Variants in WBP1L observed in about 807,000 individuals in gnomAD.
The protein encoded by WBP1L is WW domain binding protein 1 like, also known as WW domain binding protein 1-like.
Under a neutral mutation model 33.7 loss-of-function variants are expected in WBP1L, and 17 were observed. That is an observed-to-expected ratio of 0.50 (90% CI 0.34 to 0.76). The LOEUF (loss-of-function observed/expected upper bound fraction) is 0.76, where lower values mean the gene tolerates loss of function less well. Among genes scored for constraint, WBP1L ranks in the 30% least tolerant of loss-of-function variants. The probability of loss-of-function intolerance (pLI) is 0.01; values close to 1 mark genes in which losing one functional copy is unlikely to be tolerated. For missense variants in WBP1L, 389 were observed against 469.4 expected (o/e 0.83, Z 1.58); for synonymous variants, 173 against 190.8 (o/e 0.91, Z 0.77).
intron 1 of WBP1L, among the ~76,000 whole-genome samples, chr10:102,796,590 G>A (rs1433017594): frequency 6.6e-6 from 1 of 152,192 alleles, no homozygotes; most frequent in Non-Finnish European, 1.5e-5. Flanking sequence ...GTGCACTGTG[G>A]GCAGGGCCAG....
chr10:102,744,649 C>T (rs1321930477), intron 1 of WBP1L, among the ~76,000 whole-genome samples: 1 of 152,030 alleles, frequency 6.6e-6, no homozygotes, highest in Non-Finnish European at 1.5e-5. Flanking sequence ...GAGACTTGGC[C>T]CCATTTTAAA....
At chr10:102,761,149 C>CT (rs1224781440) in intron 1 of WBP1L, among the ~76,000 whole-genome samples, 3 of 91,716 alleles carry the variant, frequency 3.3e-5, no homozygotes, top group South Asian at 4.1e-4. Flanking sequence ...CTTTTCTTTT[C>CT]TTTTTTTTGA....
At chr10:102,809,126 G>A (rs375389098) in intron 2 of WBP1L, among the ~76,000 whole-genome samples, 15 of 152,318 alleles carry the variant, frequency 9.8e-5, no homozygotes, top group African/African-American at 3.4e-4. Flanking sequence ...CACCCAGGCT[G>A]GAGTGCAATG....
intron 1 of WBP1L, among the ~76,000 whole-genome samples, chr10:102,780,139 A>C (rs1843317472): frequency 6.6e-6 from 1 of 152,124 alleles, no homozygotes; most frequent in African/African-American, 2.4e-5. Context: ...GTGTCTGTAA[A>C]GGGCAGATAA....
At chr10:102,768,889 C>A (rs113604501) in intron 1 of WBP1L, among the ~76,000 whole-genome samples, 6 of 151,686 alleles carry the variant, frequency 4.0e-5, no homozygotes, top group African/African-American at 1.5e-4. Context: ...GGGGTTTCAC[C>A]GTGTTAGCCA....
At position 102,812,665 on chromosome 10, in the gene WBP1L, A is replaced by C; in HGVS notation, c.426A>C (p.Pro142=). 3.7e-6 allele frequency: 6 copies of C among 1,612,960 alleles called. No individual in the cohort carries two copies. Among genetic ancestry groups the C allele is most frequent in the Non-Finnish European group, 5.1e-6 (6 of 1,179,502 alleles). The part of the protein sequence containing the change: ...VVNRPPTPPP[P]YSAFQLQQQQ... ...ACCGACCTCCAACTCCTCCCCCACC[A>C]TACAGTGCCTTCCAGCTACAGCAGC... Residue 142 remains proline (P), a synonymous_variant, in exon 4 of 4, where the codon CCA becomes CCC. Transcript: ENST00000448841.
intron 3 of WBP1L, among the ~76,000 whole-genome samples, chr10:102,810,751 G>A (rs1055010214): frequency 8.6e-5 from 13 of 151,558 alleles, no homozygotes; most frequent in African/African-American, 3.2e-4. Context: ...GTTTTTAGTA[G>A]AGACAGGGTT....
chr10:102,749,876 C>T (rs1842908519), intron 1 of WBP1L, among the ~76,000 whole-genome samples: 1 of 151,402 alleles, frequency 6.6e-6, no homozygotes, highest in Admixed American at 6.6e-5. Context: ...CTCCCGGGTT[C>T]AAGGGATTCT....
At chr10:102,780,893 T>A (rs2134045564) in intron 1 of WBP1L, among the ~76,000 whole-genome samples, 1 of 152,282 alleles carries the variant, frequency 6.6e-6, no homozygotes, top group East Asian at 1.9e-4. Context: ...TAATTTTACA[T>A]CTTGCACCTT....
intron 1 of WBP1L, among the ~76,000 whole-genome samples, chr10:102,777,561 C>CTT (rs35713577): frequency 0.025 from 1,371 of 55,588 alleles, 362 homozygotes; most frequent in African/African-American, 0.072. Context: ...AAAGGCTGTC[C>CTT]TTTTTTTTTT....
intron 1 of WBP1L, among the ~76,000 whole-genome samples, chr10:102,765,105 G>T (rs994355112): frequency 6.6e-6 from 1 of 152,170 alleles, no homozygotes; most frequent in Non-Finnish European, 1.5e-5. Context: ...AGGCTTTGCC[G>T]CATCAGACTT....
chr10:102,795,263 A>G (rs1843557970), intron 1 of WBP1L, among the ~76,000 whole-genome samples: 4 of 152,240 alleles, frequency 2.6e-5, no homozygotes, highest in South Asian at 2.1e-4. Flanking sequence ...AGGCTAAGCT[A>G]TGCTGTTCAG....
chr10:102,753,819 G>C (rs939134561), intron 1 of WBP1L, among the ~76,000 whole-genome samples: 1 of 152,146 alleles, frequency 6.6e-6, no homozygotes, highest in Non-Finnish European at 1.5e-5. Flanking sequence ...GGCTTGGAAG[G>C]GTGGGTCCTA....
intron 1 of WBP1L, among the ~76,000 whole-genome samples, chr10:102,789,598 C>T (rs979348854): frequency 2.0e-5 from 3 of 152,110 alleles, no homozygotes; most frequent in African/African-American, 7.2e-5. Flanking sequence ...CCTCATGGAG[C>T]TTATTACTGC....
intron 1 of WBP1L, among the ~76,000 whole-genome samples, chr10:102,761,686 GA>G (rs1187972975): frequency 6.6e-6 from 1 of 151,900 alleles, no homozygotes; most frequent in Non-Finnish European, 1.5e-5. Flanking sequence ...TCAATTTCCT[GA>G]TCTCGTGATA....
chr10:102,746,282 G>A, intron 1 of WBP1L: 1 of 457,570 alleles, frequency 2.2e-6, no homozygotes, highest in Non-Finnish European at 2.9e-6. Flanking sequence ...TAATTTTGGG[G>A]ACAGGTGTCT....
chr10:102,760,450 C>G (rs1843024294), intron 1 of WBP1L, among the ~76,000 whole-genome samples: 1 of 148,242 alleles, frequency 6.7e-6, no homozygotes, highest in African/African-American at 2.5e-5. Flanking sequence ...GATCTTGGCT[C>G]AACTCAACCT....
intron 1 of WBP1L, chr10:102,744,424 G>T (rs941231675): frequency 4.1e-6 from 4 of 985,262 alleles, no homozygotes; most frequent in Non-Finnish European, 4.8e-6. Flanking sequence ...CTGGATAGCG[G>T]TGCCAAGCTG....
chr10:102,778,847 A>G (rs1843299758), intron 1 of WBP1L, among the ~76,000 whole-genome samples: 1 of 151,904 alleles, frequency 6.6e-6, no homozygotes, highest in African/African-American at 2.4e-5. Flanking sequence ...ACTTTGATTT[A>G]TTTTTTTCCC....
Sources: gnomAD v4.1 joint callset for allele counts (sites outside exome capture counted in the v4.1 genomes callset) on GRCh38, gnomAD v4.1.1 for gene constraint, MANE v1.5 for transcripts, NCBI Gene and HGNC (gene_info 2026-07-23, HGNC 2026-07-21) for gene names.